The following DLG2 variants were observed in gnomAD, a reference collection of about 807,000 sequenced individuals.
The protein encoded by DLG2 is discs large MAGUK scaffold protein 2, also known as disks large homolog 2.
Under a neutral mutation model 132.5 loss-of-function variants are expected in DLG2, and 45 were observed. The ratio of observed to expected loss-of-function variants is 0.34; its 90% CI spans 0.27 to 0.44. The LOEUF (loss-of-function observed/expected upper bound fraction) is 0.44. Among genes scored for constraint, DLG2 ranks in the 20% least tolerant of loss-of-function variants. The probability of loss-of-function intolerance (pLI) is 1.00; values close to 1 mark genes in which losing one functional copy is unlikely to be tolerated. For missense variants in DLG2, 1,045 were observed against 1,196.9 expected, an observed-to-expected ratio of 0.87 and a Z score of 1.87; for synonymous variants, 424 against 419.6, an observed-to-expected ratio of 1.01 and a Z score of -0.13.
At chr11:85,570,483 T>G (rs1590888230) in intron 3 of DLG2, among the ~76,000 whole-genome samples, 1 of 152,198 alleles carries the variant, frequency 6.6e-6, no homozygotes, top group African/African-American at 2.4e-5. Flanking sequence ...CTTGTACTAA[T>G]GAGTTGCTTC....
At chr11:83,962,408 T>C (rs2089083445) in intron 14 of DLG2, among the ~76,000 whole-genome samples, 1 of 152,048 alleles carries the variant, frequency 6.6e-6, no homozygotes, top group Admixed American at 6.6e-5. Flanking sequence ...GAAATTTTTG[T>C]TCCTTGATCT....
chr11:83,476,374 C>G (rs1024098824), intron 22 of DLG2, among the ~76,000 whole-genome samples: 8 of 152,092 alleles, frequency 5.3e-5, no homozygotes, highest in Non-Finnish European at 1.2e-4. Context: ...CATTACAACT[C>G]TTCAGGCAGC....
chr11:84,215,597 G>A (rs1464822254), intron 8 of DLG2, among the ~76,000 whole-genome samples: 1 of 152,078 alleles, frequency 6.6e-6, no homozygotes, highest in African/African-American at 2.4e-5. Context: ...AGGAAATGTA[G>A]TGTCCCATCT....
intron 6 of DLG2, among the ~76,000 whole-genome samples, chr11:84,540,586 G>C (rs1319708073): frequency 6.6e-6 from 1 of 152,172 alleles, no homozygotes; most frequent in African/African-American, 2.4e-5. Flanking sequence ...CTTTTACACT[G>C]TTGGTGGGAC....
intron 19 of DLG2, among the ~76,000 whole-genome samples, chr11:83,622,999 G>A (rs1281722484): frequency 6.6e-6 from 1 of 152,140 alleles, no homozygotes; most frequent in Non-Finnish European, 1.5e-5. Flanking sequence ...CTGTGTCTAT[G>A]ATCTAAAGCT....
chr11:84,178,591 C>G (rs1038276362), intron 8 of DLG2, among the ~76,000 whole-genome samples: 2 of 152,066 alleles, frequency 1.3e-5, no homozygotes, highest in African/African-American at 4.8e-5. Flanking sequence ...CATTCCCTGG[C>G]CCACTCACAA....
At chr11:84,166,838 C>A in intron 8 of DLG2, 1 of 501,516 alleles carries the variant, frequency 2.0e-6, no homozygotes, top group South Asian at 1.5e-5. Context: ...CTTGGTGTCT[C>A]ATATAATATT....
At chr11:84,712,867 G>A (rs1263686375) in intron 6 of DLG2, among the ~76,000 whole-genome samples, 1 of 152,086 alleles carries the variant, frequency 6.6e-6, no homozygotes. Context: ...AGGTCATGAC[G>A]TAGAAAGAAT....
chr11:84,280,361 C>T lies in DLG2; in HGVS notation c.520-29070G>A, dbSNP rs576608553. 1.4e-4 allele frequency among the ~76,000 whole-genome samples: 22 copies of T among 151,906 alleles called. No individual in the cohort carries two copies. In the South Asian group the frequency reaches 3.9e-3, roughly 27 times the overall value. On this transcript the variant is annotated intron_variant, in intron 7 of 27. Coordinates refer to ENST00000376104, the MANE Select transcript of DLG2 (RefSeq NM_001142699.3). ...TATCACCCAAGCAACCCCTGTATCCCGGGTTCAAGCAATTCTCATGCCTCA... is the reference window on the plus strand; with the variant it reads ...TATCACCCAAGCAACCCCTGTATCCTGGGTTCAAGCAATTCTCATGCCTCA...
chr11:83,706,369 C>T (rs567886119), intron 18 of DLG2, among the ~76,000 whole-genome samples: 11 of 152,060 alleles, frequency 7.2e-5, no homozygotes, highest in Non-Finnish European at 1.5e-4. Flanking sequence ...ACAGCATATT[C>T]CTTTCATAGG....
chr11:83,875,685 C>T lies in DLG2; in HGVS notation c.1497-1197G>A, dbSNP rs529591528. ...TTGGTTGAAACACTATTTACATATA[C>T]ACATAATATATGAACAAGTGTATAT... On this transcript the variant is annotated intron_variant, in intron 15 of 27. Coordinates refer to ENST00000376104, the MANE Select transcript of DLG2 (RefSeq NM_001142699.3). Among the ~76,000 whole-genome samples the T allele has an allele frequency of 3.3e-5, 5 of 152,174 alleles. No homozygotes were observed. The East Asian group carries it at 9.7e-4, about 29-fold the overall frequency.
At chr11:84,179,998 T>C (rs1024335962) in intron 8 of DLG2, among the ~76,000 whole-genome samples, 1 of 152,148 alleles carries the variant, frequency 6.6e-6, no homozygotes, top group African/African-American at 2.4e-5. Context: ...GTTCATTATG[T>C]CATTTTAAAT....
At chr11:85,143,630 AT>A (rs2152435324) in intron 5 of DLG2, among the ~76,000 whole-genome samples, 1 of 151,464 alleles carries the variant, frequency 6.6e-6, no homozygotes, top group Admixed American at 6.6e-5. Flanking sequence ...TTGTGTTTCC[AT>A]TTTCATTTGT....
chr11:85,397,052 G>T (rs1375784036), intron 3 of DLG2, among the ~76,000 whole-genome samples: 1 of 152,158 alleles, frequency 6.6e-6, no homozygotes, highest in Non-Finnish European at 1.5e-5. Context: ...CCCACAAAGG[G>T]AAGCCCATCG....
intron 3 of DLG2, among the ~76,000 whole-genome samples, chr11:85,586,693 T>A (rs1369526951): frequency 6.6e-6 from 1 of 152,190 alleles, no homozygotes; most frequent in Non-Finnish European, 1.5e-5. Flanking sequence ...TGTTTTGATT[T>A]CATTTGGTTC....
intron 2 of DLG2, among the ~76,000 whole-genome samples, chr11:85,609,788 C>T (rs1380093859): frequency 2.6e-5 from 4 of 152,160 alleles, no homozygotes; most frequent in Admixed American, 6.5e-5. Context: ...GACACTGGTG[C>T]GGCCTTCTCA....
At chr11:83,851,450 C>T (rs1026538969) in intron 16 of DLG2, among the ~76,000 whole-genome samples, 6 of 151,350 alleles carry the variant, frequency 4.0e-5, no homozygotes, top group Non-Finnish European at 4.4e-5. Flanking sequence ...CATGGTGAAA[C>T]CTCTTCTCTA....
intron 4 of DLG2, among the ~76,000 whole-genome samples, chr11:85,267,092 A>G (rs1056852625): frequency 6.6e-6 from 1 of 152,216 alleles, no homozygotes; most frequent in African/African-American, 2.4e-5. Context: ...TGAGATTCCA[A>G]TTCCCAATGT....
Position 84,802,321 on chromosome 11 carries a change from A to G in DLG2, c.358-267590T>C, listed in dbSNP as rs187824006. 1.8e-3 allele frequency among the ~76,000 whole-genome samples: 273 copies of G among 152,240 alleles called. 1 individual carries two copies. The highest frequency in any genetic ancestry group is 3.0e-3 in the Non-Finnish European group (201 of 68,024). Reference sequence around the variant, plus strand: ...AGATAATGTAATAAAGGGAGGTATGATAGGTTAGGGGAATTAACAAGGAAT... The same window carrying G: ...AGATAATGTAATAAAGGGAGGTATGGTAGGTTAGGGGAATTAACAAGGAAT... On this transcript the variant is annotated intron_variant, in intron 6 of 27. Transcript: ENST00000376104.
Sources: allele counts gnomAD v4.1 joint callset (sites outside exome capture counted in the v4.1 genomes callset), GRCh38; gene constraint gnomAD v4.1.1; transcripts MANE v1.5; gene names NCBI Gene and HGNC (gene_info 2026-07-23, HGNC 2026-07-21).